The following MACF1 variants were observed in gnomAD, a reference collection of about 807,000 sequenced individuals.
The protein encoded by MACF1 is microtubule-actin cross-linking factor 1.
A neutral mutation model predicts 854.8 loss-of-function variants in MACF1; 193 were observed. The observed-to-expected ratio is 0.23, with a 90% confidence interval of 0.20 to 0.25. The LOEUF (loss-of-function observed/expected upper bound fraction) is 0.25. MACF1 is among the 10% of genes least tolerant of loss of function. The pLI is 1.00. For synonymous variants in MACF1, 3,185 were observed against 3,226.7 expected (o/e 0.99, Z 0.44); for missense variants, 7,722 against 8,929.1 (o/e 0.86, Z 5.45).
rs539485380 is a variant in MACF1 at position 39,453,617 on chromosome 1, A to G, written c.20743-90A>G. The G allele has an allele frequency of 5.4e-5, 62 of 1,157,634 alleles. No homozygotes were observed. The South Asian group carries it at 7.9e-4, about 15-fold the overall frequency. 71.7% of individuals were successfully genotyped at this position (1,157,634 alleles called of 1,614,324 possible). Reference sequence around the variant, plus strand: ...GCGTTAACACATGGAGGAAAAAGAAAACATTGAAATTTATCCCCCCTCAGT... The same window carrying G: ...GCGTTAACACATGGAGGAAAAAGAAGACATTGAAATTTATCCCCCCTCAGT... On this transcript the variant is annotated intron_variant, in intron 87 of 100. Transcript: ENST00000564288.
intron 2 of MACF1, among the ~76,000 whole-genome samples, chr1:39,179,101 TG>T (rs1486643170): frequency 6.6e-6 from 1 of 152,260 alleles, no homozygotes; most frequent in Admixed American, 6.5e-5. Flanking sequence ...TTTGCAGTTT[TG>T]ACTGAAGTCA....
At chr1:39,231,911 A>G (rs1160090193) in intron 2 of MACF1, among the ~76,000 whole-genome samples, 1 of 151,668 alleles carries the variant, frequency 6.6e-6, no homozygotes, top group Non-Finnish European at 1.5e-5. Context: ...CTTTCTCTTA[A>G]AGTGCATGAA....
At chr1:39,292,931 T>G (rs1420875508) in intron 17 of MACF1, 88 bp downstream of exon 17, 3 of 1,116,230 alleles carry the variant, frequency 2.7e-6, no homozygotes, top group Non-Finnish European at 3.9e-6. Context: ...AATCTCCTGG[T>G]TTGGCCCTGT....
At chr1:39,143,411 A>G (rs753637104) in intron 2 of MACF1, among the ~76,000 whole-genome samples, 5 of 152,166 alleles carry the variant, frequency 3.3e-5, no homozygotes, top group Non-Finnish European at 7.3e-5. Context: ...TTTTTGTATC[A>G]GGCCAGGATA....
At chr1:39,214,155 A>C (rs1195611741) in intron 1 of MACF1, among the ~76,000 whole-genome samples, 1 of 152,166 alleles carries the variant, frequency 6.6e-6, no homozygotes, top group South Asian at 2.1e-4. Context: ...CGTTCTATTT[A>C]GGGAGCTAGA....
intron 58 of MACF1, chr1:39,414,265 C>G (rs890269589): frequency 6.2e-7 from 1 of 1,613,936 alleles, no homozygotes; most frequent in Admixed American, 1.7e-5. Context: ...GGAAGTTTCC[C>G]CCATTGGTGT....
chr1:39,345,969 A>G (rs1395054922), intron 40 of MACF1, among the ~76,000 whole-genome samples: 3 of 151,842 alleles, frequency 2.0e-5, no homozygotes, highest in African/African-American at 7.3e-5. Flanking sequence ...CTCAGGAGGT[A>G]GAGGCACAAG....
chr1:39,145,318 C>T (rs185450038), intron 2 of MACF1, among the ~76,000 whole-genome samples: 2 of 152,150 alleles, frequency 1.3e-5, no homozygotes, highest in Admixed American at 6.6e-5. Flanking sequence ...TAGTCTTTTA[C>T]GTCTCAATTT....
At chr1:39,448,257 A>T (rs1457799827) in intron 83 of MACF1, 105 bp downstream of exon 83, 8 of 1,315,472 alleles carry the variant, frequency 6.1e-6, no homozygotes, top group African/African-American at 1.5e-5. Flanking sequence ...CCAATTGGTT[A>T]ATGTTTAAAA....
chr1:39,152,922 C>T (rs1411546374), intron 2 of MACF1, among the ~76,000 whole-genome samples: 1 of 151,736 alleles, frequency 6.6e-6, no homozygotes. Flanking sequence ...GGCAGAACAG[C>T]CCAGGTGAGT....
intron 99 of MACF1, among the ~76,000 whole-genome samples, chr1:39,481,272 A>G (rs1457828716): frequency 6.6e-6 from 1 of 152,172 alleles, no homozygotes; most frequent in Admixed American, 6.5e-5. Flanking sequence ...TGAGAATGAT[A>G]TTTGCTGAGA....
Position 39,388,619 on chromosome 1 carries a change from C to T in MACF1, c.15777C>T (p.Thr5259=), listed in dbSNP as rs772909541. 20 of 1,586,186 alleles carry T rather than the reference C, an allele frequency of 1.3e-5. No homozygotes were observed. The highest frequency in any genetic ancestry group is 2.7e-5 in the African/African-American group (2 of 73,410). Residue 5259 remains threonine (T), a synonymous_variant, in exon 58 of 101, where the codon ACC becomes ACT. Coordinates refer to ENST00000564288, the MANE Select transcript of MACF1 (RefSeq NM_001394062.1). ...AGGCCCTCCAGTGGGTAGTGGGGAC[C>T]GAAGTGGAAATCATCAACCAACAAT... ...EAEALQWVVG[T]EVEIINQQLA...
At chr1:39,094,095 T>A (rs927229334) in intron 2 of MACF1, among the ~76,000 whole-genome samples, 1 of 151,702 alleles carries the variant, frequency 6.6e-6, no homozygotes, top group African/African-American at 2.4e-5. Context: ...ACTCCACTTC[T>A]AATGCCAATC....
chr1:39,452,543 C>G, intron 86 of MACF1, 141 bp from the exon 87 acceptor site: 2 of 1,216,098 alleles, frequency 1.6e-6, no homozygotes, highest in South Asian at 1.5e-5. Context: ...CAAAGATCTA[C>G]AAATGAAAGA....
chr1:39,375,772 T>G, intron 52 of MACF1, among the ~76,000 whole-genome samples: 1 of 152,220 alleles, frequency 6.6e-6, no homozygotes, highest in Admixed American at 6.5e-5. Context: ...AATAAGAAAT[T>G]ATTGTTTCAA....
intron 2 of MACF1, among the ~76,000 whole-genome samples, chr1:39,156,111 G>C (rs920138187): frequency 6.6e-6 from 1 of 152,012 alleles, no homozygotes; most frequent in Non-Finnish European, 1.5e-5. Context: ...TCCTGACCTC[G>C]TGATCCGCCT....
chr1:39,285,002 G>A lies in MACF1; in HGVS notation c.1132-81G>A, dbSNP rs1645616816. On this transcript the variant is annotated intron_variant, in intron 11 of 100. Transcript: ENST00000564288. ...GCTGAATGGCTGGGTAAAGAAGCAA[G>A]AAGTGATGTGCAAATAATAAATCAA... 3 of 1,550,532 alleles carry A rather than the reference G, an allele frequency of 1.9e-6. No individual in the cohort carries two copies. The South Asian group carries it at 3.6e-5, about 19-fold the overall frequency.
At chr1:39,482,159 T>C (rs1322477057) in intron 99 of MACF1, among the ~76,000 whole-genome samples, 1 of 152,236 alleles carries the variant, frequency 6.6e-6, no homozygotes, top group Non-Finnish European at 1.5e-5. Context: ...AGGCTTCATC[T>C]TTCCTTACTT....
intron 58 of MACF1, among the ~76,000 whole-genome samples, chr1:39,420,394 G>A (rs758439276): frequency 6.6e-6 from 1 of 152,136 alleles, no homozygotes; most frequent in Admixed American, 6.5e-5. Flanking sequence ...TTTTTCTTCA[G>A]CAGAAACATC....
Sources: gnomAD v4.1 joint callset for allele counts (sites outside exome capture counted in the v4.1 genomes callset) on GRCh38, gnomAD v4.1.1 for gene constraint, MANE v1.5 for transcripts, NCBI Gene and HGNC (gene_info 2026-07-23, HGNC 2026-07-21) for gene names.